The following NELL1 variants were observed in gnomAD, a reference collection of about 807,000 sequenced individuals.
NELL1 encodes neural EGFL like 1, also known as protein kinase C-binding protein NELL1.
A neutral mutation model predicts 107.4 loss-of-function variants in NELL1; 76 were observed. That is an observed-to-expected ratio of 0.71 (90% confidence interval 0.59 to 0.86). The LOEUF (loss-of-function observed/expected upper bound fraction) is 0.86. NELL1 is among the 40% of genes least tolerant of loss of function. The pLI, the probability that NELL1 is intolerant of heterozygous loss-of-function variation, is 0.00. For synonymous variants in NELL1, 353 were observed against 341.2 expected, an observed-to-expected ratio of 1.03 and a Z score of -0.38; for missense variants, 1,024 against 1,005.5, an observed-to-expected ratio of 1.02 and a Z score of -0.25.
At chr11:20,850,589 A>T (rs189605928) in intron 4 of NELL1, among the ~76,000 whole-genome samples, 117 of 152,320 alleles carry the variant, frequency 7.7e-4, no homozygotes, top group Non-Finnish European at 1.4e-3. Flanking sequence ...GAGTGTCTGC[A>T]TCTAGCTACT....
At chr11:21,399,714 C>T (rs1852056372) in intron 15 of NELL1, among the ~76,000 whole-genome samples, 1 of 151,686 alleles carries the variant, frequency 6.6e-6, no homozygotes, top group South Asian at 2.1e-4. Flanking sequence ...TACGGCAGAC[C>T]TAGGGCTTGA....
At chr11:21,050,632 A>G (rs1853469779) in intron 12 of NELL1, among the ~76,000 whole-genome samples, 1 of 152,200 alleles carries the variant, frequency 6.6e-6, no homozygotes, top group Admixed American at 6.5e-5. Flanking sequence ...CTACTTCTAA[A>G]GATAAATGAT....
chr11:20,800,682 A>G (rs1384085901), intron 3 of NELL1, among the ~76,000 whole-genome samples: 1 of 152,054 alleles, frequency 6.6e-6, no homozygotes, highest in African/African-American at 2.4e-5. Flanking sequence ...AGAGGTGGAG[A>G]GCCTCATCTC....
intron 13 of NELL1, among the ~76,000 whole-genome samples, chr11:21,152,553 G>A (rs1856142077): frequency 6.6e-6 from 1 of 152,106 alleles, no homozygotes. Context: ...CAAAGCTGAG[G>A]CCTATAATAA....
At chr11:21,334,758 G>A (rs1437154807) in intron 14 of NELL1, among the ~76,000 whole-genome samples, 1 of 151,922 alleles carries the variant, frequency 6.6e-6, no homozygotes, top group Non-Finnish European at 1.5e-5. Flanking sequence ...GTGTCGTTGA[G>A]TAACTGCAAT....
Position 21,113,656 on chromosome 11 carries a change from G to A in NELL1, c.1368G>A (p.Gly456=). ...ATACTGTGTGTGTCAACCTTCCTGGGTTATATCGCTGTGACTGTGTCCCAG... is the reference window on the plus strand; with the variant it reads ...ATACTGTGTGTGTCAACCTTCCTGGATTATATCGCTGTGACTGTGTCCCAG... The part of the protein sequence containing the change: ...HANTVCVNLP[G]LYRCDCVPGY... Residue 456 remains glycine (G), a synonymous_variant, in exon 13 of 20, where the codon GGG becomes GGA. Coordinates refer to ENST00000357134, the MANE Select transcript of NELL1 (RefSeq NM_006157.5). 12 of 1,612,254 alleles carry A rather than the reference G, an allele frequency of 7.4e-6. No homozygotes were observed. The highest frequency in any genetic ancestry group is 9.3e-6 in the Non-Finnish European group (11 of 1,178,780).
chr11:21,368,878 C>A (rs1851294093), intron 14 of NELL1, among the ~76,000 whole-genome samples: 1 of 152,024 alleles, frequency 6.6e-6, no homozygotes, highest in Non-Finnish European at 1.5e-5. Context: ...GTGCCGAACA[C>A]CATTTTAAGT....
intron 12 of NELL1, among the ~76,000 whole-genome samples, chr11:21,099,601 A>G (rs1464935773): frequency 3.9e-5 from 6 of 152,174 alleles, no homozygotes; most frequent in Non-Finnish European, 8.8e-5. Flanking sequence ...AGCTTGAGAC[A>G]TGTATTGAGG....
intron 12 of NELL1, among the ~76,000 whole-genome samples, chr11:20,960,798 G>A (rs1851274998): frequency 6.6e-6 from 1 of 152,136 alleles, no homozygotes; most frequent in Non-Finnish European, 1.5e-5. Context: ...AAAGGCAACA[G>A]GGACATATCA....
chr11:21,268,758 A>G (rs1357366346), intron 14 of NELL1, among the ~76,000 whole-genome samples: 1 of 152,212 alleles, frequency 6.6e-6, no homozygotes, highest in Non-Finnish European at 1.5e-5. Flanking sequence ...TCAAGAAAAA[A>G]TGGCAAGGGA....
chr11:21,516,085 G>A (rs1855554711), intron 15 of NELL1, among the ~76,000 whole-genome samples: 1 of 152,194 alleles, frequency 6.6e-6, no homozygotes, highest in South Asian at 2.1e-4. Flanking sequence ...GAAGAAAGGG[G>A]CAACTTTGCT....
chr11:21,370,765 GA>G (rs1851339769), intron 14 of NELL1, 87 bp from the exon 15 acceptor site: 1 of 988,490 alleles, frequency 1.0e-6, no homozygotes, highest in Admixed American at 2.1e-5. Context: ...ATGCAACAAA[GA>G]AAGAATTGCT....
At chr11:21,338,158 T>C (rs1850479684) in intron 14 of NELL1, among the ~76,000 whole-genome samples, 1 of 152,128 alleles carries the variant, frequency 6.6e-6, no homozygotes, top group Non-Finnish European at 1.5e-5. Flanking sequence ...GACAATGCAA[T>C]GTAAAAATAA....
chr11:21,300,196 G>A (rs966271493), intron 14 of NELL1, among the ~76,000 whole-genome samples: 1 of 152,012 alleles, frequency 6.6e-6, no homozygotes, highest in Non-Finnish European at 1.5e-5. Context: ...TAGCATCTGA[G>A]GTGTTCTCTG....
Position 21,083,380 on chromosome 11 carries a change from A to G in NELL1, c.1301-30209A>G, listed in dbSNP as rs527815559. 4.6e-5 allele frequency among the ~76,000 whole-genome samples: 7 copies of G among 152,286 alleles called. No individual in the cohort carries two copies. In the East Asian group the frequency reaches 1.2e-3, roughly 25 times the overall value. On this transcript the variant is annotated intron_variant, in intron 12 of 19. Transcript: ENST00000357134. The stretch of plus-strand genomic sequence containing the variant: ...ACTTTACTGCTAAATTTCCTTTTAT[A>G]AGAGCCTTACGGAAGAAAAGGAGGC...
intron 14 of NELL1, among the ~76,000 whole-genome samples, chr11:21,367,474 C>T (rs1247181904): frequency 2.6e-5 from 4 of 152,032 alleles, no homozygotes; most frequent in African/African-American, 4.8e-5. Flanking sequence ...GAAGGAGTGA[C>T]GAGGAGTCCT....
intron 4 of NELL1, among the ~76,000 whole-genome samples, chr11:20,879,333 G>C (rs1243519503): frequency 6.6e-6 from 1 of 152,060 alleles, no homozygotes; most frequent in Non-Finnish European, 1.5e-5. Flanking sequence ...CATATAGGGT[G>C]GTTAGAATGT....
Position 20,748,911 on chromosome 11 carries a change from CCCATCCATCCATCCATCCAT to C in NELL1, c.185-34740_185-34721del, listed in dbSNP as rs71063663. Among the ~76,000 whole-genome samples the C allele has an allele frequency of 3.2e-3, 467 of 144,022 alleles. 2 individuals are homozygous for C. The highest frequency in any genetic ancestry group is 0.017 in the East Asian group (83 of 4,748). 94.5% of individuals were successfully genotyped at this position (144,022 alleles called of 152,430 possible). ...ATCCATCCATCCATCCACCCAGCCA[CCCATCCATCCATCCATCCAT>C]CCATCCATCCATCCATCCATCCATC... On this transcript the variant is annotated intron_variant, in intron 2 of 19. Coordinates refer to ENST00000357134, the MANE Select transcript of NELL1 (RefSeq NM_006157.5).
intron 16 of NELL1, among the ~76,000 whole-genome samples, chr11:21,541,072 G>GT (rs1426215579): frequency 6.6e-6 from 1 of 152,044 alleles, no homozygotes; most frequent in African/African-American, 2.4e-5. Flanking sequence ...CAATTTAGGT[G>GT]TTTTTTGATA....
Sources: allele counts gnomAD v4.1 joint callset (sites outside exome capture counted in the v4.1 genomes callset), GRCh38; gene constraint gnomAD v4.1.1; transcripts MANE v1.5; gene names NCBI Gene and HGNC (gene_info 2026-07-23, HGNC 2026-07-21).